Variants in XPNPEP1 observed in about 807,000 individuals in gnomAD.
XPNPEP1 encodes the protein xaa-Pro aminopeptidase 1.
XPNPEP1 carries 39 observed loss-of-function variants against 92.4 expected under a neutral mutation model. The observed-to-expected ratio is 0.42, with a 90% confidence interval of 0.33 to 0.55. The LOEUF (loss-of-function observed/expected upper bound fraction) is 0.55. Ranked by LOEUF, XPNPEP1 falls within the 20% of genes least tolerant of loss-of-function variation. XPNPEP1 has a pLI of 0.08. For missense variants in XPNPEP1, 654 were observed against 856.1 expected, an observed-to-expected ratio of 0.76 and a Z score of 2.95; for synonymous variants, 307 against 299.4, an observed-to-expected ratio of 1.03 and a Z score of -0.26.
intron 3 of XPNPEP1, among the ~76,000 whole-genome samples, 190 bp downstream of exon 3, chr10:109,907,501 C>T (rs1237949201): frequency 6.6e-6 from 1 of 152,214 alleles, no homozygotes; most frequent in East Asian, 1.9e-4. Flanking sequence ...GGCTAAGTCA[C>T]TGGAATCAAG....
chr10:109,916,241 G>A (rs530216798), intron 1 of XPNPEP1, among the ~76,000 whole-genome samples: 7 of 152,214 alleles, frequency 4.6e-5, no homozygotes, highest in Non-Finnish European at 1.0e-4. Flanking sequence ...TAAAAAGAGT[G>A]AGGAAGCAAG....
At chr10:109,902,731 G>C (rs1266706504) in intron 3 of XPNPEP1, among the ~76,000 whole-genome samples, 1 of 152,246 alleles carries the variant, frequency 6.6e-6, no homozygotes, top group Admixed American at 6.5e-5. Context: ...TGCAATAAGA[G>C]CAACAGCTAA....
chr10:109,880,319 C>T (rs1848019978), intron 11 of XPNPEP1, 81 bp from the exon 12 acceptor site: 1 of 1,412,948 alleles, frequency 7.1e-7, no homozygotes, highest in Non-Finnish European at 1.0e-6. Flanking sequence ...TAATGCAATA[C>T]TGAGAAGGCT....
chr10:109,865,016 T>C lies in XPNPEP1; in HGVS notation c.*168A>G. ...AAAAAATCATAAAAGACTGAGTGTTTGCAATAAAATATCAAAGAGGATAAG... is the reference window on the plus strand; with the variant it reads ...AAAAAATCATAAAAGACTGAGTGTTCGCAATAAAATATCAAAGAGGATAAG... On this transcript the variant is annotated 3_prime_UTR_variant, in exon 21 of 21. Transcript: ENST00000502935. 1.0e-6 allele frequency: 1 copy of C among 965,884 alleles called. No homozygotes were observed. The allele number at this position is 965,884 out of a possible 1,614,324, so 59.8% of individuals were successfully genotyped here. A position where few individuals can be genotyped will look rare whatever the true frequency, so the allele number is the denominator to read the frequency against.
chr10:109,879,465 G>GATTAT (rs1847970616), intron 12 of XPNPEP1, among the ~76,000 whole-genome samples: 1 of 151,754 alleles, frequency 6.6e-6, no homozygotes, highest in African/African-American at 2.4e-5. Context: ...AGCTACTTGG[G>GATTAT]AGGCTAAGGC....
At chr10:109,870,671 C>A in intron 18 of XPNPEP1, 60 bp downstream of exon 18, 1 of 1,527,914 alleles carries the variant, frequency 6.5e-7, no homozygotes, top group Non-Finnish European at 8.8e-7. Context: ...TACAAAACAA[C>A]GAATAGCTTT....
intron 10 of XPNPEP1, among the ~76,000 whole-genome samples, chr10:109,881,656 C>G (rs1000925480): frequency 3.9e-5 from 6 of 152,210 alleles, no homozygotes; most frequent in Non-Finnish European, 7.3e-5. Flanking sequence ...TCCCAGGATG[C>G]CCCACTGCTC....
chr10:109,916,585 T>A (rs1042789862), intron 1 of XPNPEP1, among the ~76,000 whole-genome samples: 1 of 152,242 alleles, frequency 6.6e-6, no homozygotes, highest in East Asian at 1.9e-4. Flanking sequence ...GCTTTACCAA[T>A]GACTCTAGGC....
chr10:109,920,175 T>C (rs1006941002), intron 1 of XPNPEP1, among the ~76,000 whole-genome samples: 2 of 151,968 alleles, frequency 1.3e-5, no homozygotes, highest in Non-Finnish European at 2.9e-5. Flanking sequence ...AATAGGCAAA[T>C]CGGTAAAGAC....
chr10:109,886,118 T>C (rs1194240558), intron 8 of XPNPEP1, 128 bp downstream of exon 8: 3 of 882,712 alleles, frequency 3.4e-6, no homozygotes, highest in Non-Finnish European at 5.4e-6. Context: ...CCTATACCCA[T>C]TTGGTGACGT....
chr10:109,884,002 GA>G (rs1400046611), intron 9 of XPNPEP1, 64 bp downstream of exon 9: 45 of 1,478,874 alleles, frequency 3.0e-5, no homozygotes, highest in Non-Finnish European at 4.1e-5. Flanking sequence ...GCCAGGACCA[GA>G]AAGGGCACAC....
Position 109,870,790 on chromosome 10 carries a change from C to T in XPNPEP1, c.1637G>A (p.Gly546Asp), listed in dbSNP as rs1322023902. The T allele has an allele frequency of 6.2e-7, 1 of 1,613,996 alleles. No homozygotes were observed. The highest frequency in any genetic ancestry group is 8.5e-7 in the Non-Finnish European group (1 of 1,180,038). The part of the protein sequence containing the change: ...SFLNVHEGPC[G>D]ISYKTFSDEP... ...ATCAGAGAATGTTTTGTAACTGATGCCGCAAGGACCCTCATGGACATTCAA... is the reference window on the plus strand; with the variant it reads ...ATCAGAGAATGTTTTGTAACTGATGTCGCAAGGACCCTCATGGACATTCAA... Residue 546 changes from glycine (G) to aspartate (D), a missense_variant, in exon 18 of 21, where the codon GGC becomes GAC. By Grantham distance (94) the Gly-to-Asp change is moderately conservative. Coordinates refer to ENST00000502935, the MANE Select transcript of XPNPEP1 (RefSeq NM_020383.4).
intron 2 of XPNPEP1, among the ~76,000 whole-genome samples, chr10:109,911,794 G>A (rs1471757864): frequency 3.3e-5 from 5 of 152,194 alleles, no homozygotes; most frequent in Admixed American, 6.5e-5. Flanking sequence ...AAATATAAGA[G>A]TCTAATATAC....
chr10:109,921,352 G>A (rs560490465), intron 1 of XPNPEP1, among the ~76,000 whole-genome samples: 3 of 152,174 alleles, frequency 2.0e-5, no homozygotes, highest in South Asian at 2.1e-4. Context: ...GAACTTCTTC[G>A]ACCTACACCT....
intron 1 of XPNPEP1, among the ~76,000 whole-genome samples, chr10:109,922,839 G>A (rs545920978): frequency 3.0e-4 from 45 of 152,338 alleles, no homozygotes; most frequent in African/African-American, 1.0e-3. Flanking sequence ...GCAGGCTACT[G>A]GGGGGATTTT....
chr10:109,907,401 G>T (rs530334026), intron 3 of XPNPEP1, among the ~76,000 whole-genome samples: 1 of 152,254 alleles, frequency 6.6e-6, no homozygotes, highest in Non-Finnish European at 1.5e-5. Flanking sequence ...TAGGAACACA[G>T]TGTGGCAGAG....
intron 15 of XPNPEP1, among the ~76,000 whole-genome samples, chr10:109,873,771 T>C (rs1194567654): frequency 6.6e-6 from 1 of 152,210 alleles, no homozygotes; most frequent in Non-Finnish European, 1.5e-5. Context: ...AATGGGGGAT[T>C]ATCCACACAG....
rs375603859 is a variant in XPNPEP1, at chr10:109,907,100, T to C, written c.246+591A>G. 1.5e-3 allele frequency among the ~76,000 whole-genome samples: 221 copies of C among 152,338 alleles called. 2 individuals carry two copies. Among genetic ancestry groups the C allele is most frequent in the Non-Finnish European group, 1.8e-3 (120 of 68,026 alleles). On this transcript the variant is annotated intron_variant, in intron 3 of 20. Coordinates refer to ENST00000502935, the MANE Select transcript of XPNPEP1 (RefSeq NM_020383.4). ...TAGGGCCTTATACATAAGTAAAGGC[T>C]GGGAAAAACTGTACTTATAGATGAT...
intron 17 of XPNPEP1, 113 bp from the exon 18 acceptor site, chr10:109,871,017 G>A: frequency 7.9e-7 from 1 of 1,268,580 alleles, no homozygotes; most frequent in Non-Finnish European, 1.1e-6. Flanking sequence ...TTACTGGAGG[G>A]TTCAGATTTC....
Sources: gnomAD v4.1 joint callset for allele counts (sites outside exome capture counted in the v4.1 genomes callset) on GRCh38, gnomAD v4.1.1 for gene constraint, MANE v1.5 for transcripts, NCBI Gene and HGNC (gene_info 2026-07-23, HGNC 2026-07-21) for gene names.